Variants in TRIP12 observed in about 807,000 individuals in gnomAD.
TRIP12 encodes E3 ubiquitin-protein ligase TRIP12.
A neutral mutation model predicts 244.2 loss-of-function variants in TRIP12; 25 were observed. The ratio of observed to expected loss-of-function variants is 0.10; its 90% confidence interval spans 0.07 to 0.14. TRIP12 has a LOEUF of 0.14. TRIP12 is among the 10% of genes least tolerant of loss of function. The probability of loss-of-function intolerance (pLI) is 1.00; values close to 1 mark genes in which losing one functional copy is unlikely to be tolerated. For missense variants in TRIP12, 1,677 were observed against 2,486.4 expected, an observed-to-expected ratio of 0.67 and a Z score of 6.92; for synonymous variants, 905 against 873.1, an observed-to-expected ratio of 1.04 and a Z score of -0.64.
chr2:229,789,652 C>T lies in TRIP12; in HGVS notation c.4654G>A (p.Val1552Ile), dbSNP rs754662890. Residue 1552 changes from valine (V) to isoleucine (I), a missense_variant, in exon 31 of 42, where the codon GTT becomes ATT. Coordinates refer to ENST00000675903, the MANE Select transcript of TRIP12 (RefSeq NM_001348323.3). The part of the protein sequence containing the change: ...PSLDVILLLR[V>I]LHAISRYWYY... ...CAGTATCGACTGATAGCATGTAAAA[C>T]TCTTAAAAGAAGGATCACATCTAAT... The T allele has an allele frequency of 1.2e-5, 20 of 1,613,878 alleles. No individual in the cohort carries two copies. In the Admixed American group the frequency reaches 3.2e-4, roughly 26 times the overall value.
intron 31 of TRIP12, among the ~76,000 whole-genome samples, chr2:229,789,151 AC>A (rs2040802928): frequency 1.3e-5 from 2 of 152,128 alleles, no homozygotes; most frequent in African/African-American, 4.8e-5. Context: ...ACCCCTTGCC[AC>A]TGCTGCGCAC....
intron 38 of TRIP12, chr2:229,773,757 C>A: frequency 5.2e-6 from 1 of 193,536 alleles, no homozygotes; most frequent in Non-Finnish European, 1.1e-5. Flanking sequence ...GGAGTAAATT[C>A]TGTCAAGCTA....
chr2:229,859,241 T>C lies in TRIP12; in HGVS notation c.558A>G (p.Ser186=). Residue 186 remains serine (S), a synonymous_variant, in exon 4 of 42, where the codon TCA becomes TCG. Coordinates refer to ENST00000675903, the MANE Select transcript of TRIP12 (RefSeq NM_001348323.3). ...HTRKSGATGG[S]RSQKRKRTES... ...CTGTCCTTTTTCTTTTCTGACTCCG[T>C]GAACCGCCAGTGGCCCCACTCTTCC... 1 of 1,614,210 alleles carries C rather than the reference T, an allele frequency of 6.2e-7. No homozygotes were observed. The highest frequency in any genetic ancestry group is 1.1e-5 in the South Asian group (1 of 91,086).
chr2:229,828,663 C>A (rs1040359610), intron 8 of TRIP12, among the ~76,000 whole-genome samples: 5 of 151,956 alleles, frequency 3.3e-5, no homozygotes, highest in African/African-American at 4.8e-5. Flanking sequence ...CCCAGCTACT[C>A]AGGAGGCTGA....
In TRIP12 at chr2:229,819,040, CCACACACACACACACACA is replaced by C. The variant is rs370625320; in HGVS notation, c.1451-546_1451-529del. ...AAAGAATATTCTGTAAAAATAAAAA[CCACACACACACACACACA>C]CACACACACACACACACACACACAC... is the stretch of plus-strand genomic sequence containing the variant. On this transcript the variant is annotated intron_variant, in intron 8 of 41. Coordinates refer to ENST00000675903, the MANE Select transcript of TRIP12 (RefSeq NM_001348323.3). Among the ~76,000 whole-genome samples the C allele has an allele frequency of 1.3e-4, 17 of 134,050 alleles. No homozygotes were observed. In the South Asian group the frequency reaches 2.8e-3, roughly 22 times the overall value. The allele number at this position is 134,050 out of a possible 152,430, so 87.9% of individuals were successfully genotyped here.
intron 4 of TRIP12, among the ~76,000 whole-genome samples, chr2:229,853,505 C>A (rs943096545): frequency 6.6e-6 from 1 of 152,000 alleles, no homozygotes; most frequent in African/African-American, 2.4e-5. Context: ...ACTAAAAATA[C>A]AAAAATTAGC....
intron 1 of TRIP12, among the ~76,000 whole-genome samples, chr2:229,908,924 A>G (rs890582460): frequency 2.0e-5 from 3 of 151,592 alleles, no homozygotes; most frequent in Admixed American, 6.6e-5. Context: ...AGACCCCTCT[A>G]CAAAAAATAA....
At chr2:229,880,334 G>T (rs1431592084) in intron 1 of TRIP12, among the ~76,000 whole-genome samples, 1 of 152,194 alleles carries the variant, frequency 6.6e-6, no homozygotes, top group Admixed American at 6.5e-5. Context: ...ACATATTCAA[G>T]CCATGTGGTC....
intron 9 of TRIP12, among the ~76,000 whole-genome samples, chr2:229,816,050 C>T (rs918435966): frequency 3.3e-5 from 5 of 152,132 alleles, no homozygotes; most frequent in Non-Finnish European, 1.5e-5. Context: ...GAAATTTCCT[C>T]CTTGGGGATA....
chr2:229,897,992 A>C (rs1286928071), intron 1 of TRIP12, among the ~76,000 whole-genome samples: 2 of 152,244 alleles, frequency 1.3e-5, no homozygotes, highest in East Asian at 3.8e-4. Context: ...GGGTACCTAG[A>C]TTGTAAAACC....
At chr2:229,864,056 G>A (rs1040916824) in intron 2 of TRIP12, among the ~76,000 whole-genome samples, 4 of 138,436 alleles carry the variant, frequency 2.9e-5, no homozygotes, top group Admixed American at 2.1e-4. Context: ...GAGTGTGTGT[G>A]TGTGTGTGTG....
intron 1 of TRIP12, among the ~76,000 whole-genome samples, chr2:229,895,973 G>A (rs552952465): frequency 3.3e-5 from 5 of 152,086 alleles, no homozygotes; most frequent in African/African-American, 7.2e-5. Context: ...GCAACAGAGT[G>A]AGACACCATC....
intron 24 of TRIP12, among the ~76,000 whole-genome samples, chr2:229,797,232 TA>T (rs1268978329): frequency 6.6e-6 from 1 of 151,534 alleles, no homozygotes; most frequent in African/African-American, 2.4e-5. Context: ...AACATCAAAA[TA>T]AATAAATAAA....
intron 4 of TRIP12, among the ~76,000 whole-genome samples, chr2:229,849,434 C>A (rs1413266663): frequency 2.6e-5 from 4 of 151,860 alleles, no homozygotes; most frequent in African/African-American, 4.8e-5. Flanking sequence ...GGGAACACAA[C>A]AGGGATCAAA....
chr2:229,854,180 T>G (rs1324376373), intron 4 of TRIP12, among the ~76,000 whole-genome samples: 1 of 152,214 alleles, frequency 6.6e-6, no homozygotes, highest in Non-Finnish European at 1.5e-5. Context: ...AGGTAATTTA[T>G]CATCCTTCAT....
intron 1 of TRIP12, among the ~76,000 whole-genome samples, chr2:229,917,242 G>A (rs1045144908): frequency 2.0e-5 from 3 of 151,596 alleles, no homozygotes; most frequent in South Asian, 2.1e-4. Flanking sequence ...TTAGCTGGGC[G>A]TGGTGGCTGG....
Position 229,808,653 on chromosome 2 carries a change from A to C in TRIP12, c.2222-284T>G, listed in dbSNP as rs868796094. ...ACCCCTGAGACTTCAGGAACCCTTT[A>C]TTTCTTTCCTTGAGAAGCATCGTAC... On this transcript the variant is annotated intron_variant, in intron 15 of 41. Coordinates refer to ENST00000675903, the MANE Select transcript of TRIP12 (RefSeq NM_001348323.3). 2.0e-5 allele frequency among the ~76,000 whole-genome samples: 3 copies of C among 152,316 alleles called. No individual in the cohort carries two copies. The South Asian group carries it at 6.2e-4, about 32-fold the overall frequency.
In TRIP12 at chr2:229,864,001, TGAAAGAGAGAGAGAGAGAGAGA is replaced by T. The variant is rs1414134926; in HGVS notation, c.99-3492_99-3471del. 5.3e-5 allele frequency among the ~76,000 whole-genome samples: 6 copies of T among 113,550 alleles called. No homozygotes were observed. The South Asian group carries it at 1.1e-3, about 21-fold the overall frequency. 74.5% of individuals were successfully genotyped at this position (113,550 alleles called of 152,430 possible). A position where few individuals can be genotyped will look rare whatever the true frequency, so the allele number is the denominator to read the frequency against. On this transcript the variant is annotated intron_variant, in intron 2 of 41. Transcript: ENST00000675903. ...GTAAATTATAGCCCAAAGATTTGGG[TGAAAGAGAGAGAGAGAGAGAGA>T]GAGAGAGAGAGAGAGAGAGAGAGAG...
intron 1 of TRIP12, among the ~76,000 whole-genome samples, chr2:229,920,420 T>C (rs2076279169): frequency 6.6e-6 from 1 of 152,102 alleles, no homozygotes; most frequent in South Asian, 2.1e-4. Context: ...GGAGAGCAGT[T>C]AGACGTCCAC....
Sources: allele counts gnomAD v4.1 joint callset (sites outside exome capture counted in the v4.1 genomes callset), GRCh38; gene constraint gnomAD v4.1.1; transcripts MANE v1.5; gene names NCBI Gene and HGNC (gene_info 2026-07-23, HGNC 2026-07-21).